Variants in PTPRN2 observed in about 807,000 individuals in gnomAD.
The protein encoded by PTPRN2 is receptor-type tyrosine-protein phosphatase N2.
A neutral mutation model predicts 118.8 loss-of-function variants in PTPRN2; 74 were observed. That is an observed-to-expected ratio of 0.62 (90% confidence interval 0.52 to 0.76). PTPRN2 has a LOEUF of 0.76. Ranked by LOEUF, PTPRN2 falls within the 30% of genes least tolerant of loss-of-function variation. PTPRN2 has a pLI of 0.00. For synonymous variants in PTPRN2, 641 were observed against 608.0 expected, an observed-to-expected ratio of 1.05 and a Z score of -0.80; for missense variants, 1,481 against 1,394.4, an observed-to-expected ratio of 1.06 and a Z score of -0.99.
intron 1 of PTPRN2, among the ~76,000 whole-genome samples, chr7:158,550,205 C>T (rs578047618): frequency 1.8e-4 from 27 of 152,332 alleles, no homozygotes; most frequent in African/African-American, 5.5e-4. Flanking sequence ...TGCCACTGCC[C>T]GCCGGCTGAG....
intron 6 of PTPRN2, among the ~76,000 whole-genome samples, chr7:158,163,402 A>G (rs1361243179): frequency 6.7e-6 from 1 of 150,182 alleles, no homozygotes; most frequent in Admixed American, 6.6e-5. Context: ...TGATGCCTGC[A>G]CGGGGTTCTC....
chr7:158,316,179 T>A (rs1332652908), intron 3 of PTPRN2, among the ~76,000 whole-genome samples: 1 of 152,124 alleles, frequency 6.6e-6, no homozygotes, highest in Non-Finnish European at 1.5e-5. Flanking sequence ...GACTAGACGC[T>A]TACTCCAGAT....
rs898926409 is a variant in PTPRN2 at position 157,750,483 on chromosome 7, A to G, written c.1789-67546T>C. 5.3e-5 allele frequency among the ~76,000 whole-genome samples: 8 copies of G among 152,272 alleles called. No homozygotes were observed. In the East Asian group the frequency reaches 1.4e-3, roughly 26 times the overall value. ...CAGGTGAGCTGCTTCCTCCGCACCT[A>G]TGAGAGGCAGGAAGTGGCAGGTAAC... On this transcript the variant is annotated intron_variant, in intron 12 of 22. Transcript: ENST00000389418.
rs1232330434 is a variant in PTPRN2, at chr7:157,971,492, G to C, written c.1724-72755C>G. Among the ~76,000 whole-genome samples, 3 of 152,244 alleles carry C rather than the reference G, an allele frequency of 2.0e-5. No individual in the cohort carries two copies. The East Asian group carries it at 5.8e-4, about 29-fold the overall frequency. Reference sequence around the variant, plus strand: ...GGCTTAATCGTTATTAATTTCTTTGGTATTTCCTATGATAACATTAATCAC... The same window carrying C: ...GGCTTAATCGTTATTAATTTCTTTGCTATTTCCTATGATAACATTAATCAC... On this transcript the variant is annotated intron_variant, in intron 11 of 22. Transcript: ENST00000389418.
intron 3 of PTPRN2, among the ~76,000 whole-genome samples, chr7:158,227,603 T>TA: frequency 6.6e-6 from 1 of 152,132 alleles, no homozygotes; most frequent in Admixed American, 6.5e-5. Flanking sequence ...CACGACTATA[T>TA]AAAAAAATAC....
chr7:157,805,136 A>G (rs1237489460), intron 12 of PTPRN2, among the ~76,000 whole-genome samples: 1 of 152,240 alleles, frequency 6.6e-6, no homozygotes, highest in East Asian at 1.9e-4. Context: ...CATGAAAAGA[A>G]GAAAATAGCA....
intron 12 of PTPRN2, among the ~76,000 whole-genome samples, chr7:157,847,029 T>C (rs1293432630): frequency 6.7e-6 from 1 of 150,372 alleles, no homozygotes; most frequent in African/African-American, 2.5e-5. Context: ...CACTACATCA[T>C]GTGTGGCCGA....
chr7:158,017,778 G>A (rs1044658068), intron 11 of PTPRN2, among the ~76,000 whole-genome samples: 1 of 152,104 alleles, frequency 6.6e-6, no homozygotes, highest in Non-Finnish European at 1.5e-5. Context: ...GAAGGACGCA[G>A]GACTCTGCAC....
At chr7:157,774,293 A>G (rs78248425) in intron 12 of PTPRN2, among the ~76,000 whole-genome samples, 1,763 of 152,372 alleles carry the variant, frequency 0.012, 29 homozygotes, top group African/African-American at 0.04. Context: ...ACCATCCTCC[A>G]TGATGTCTTT....
At position 158,407,282 on chromosome 7, in the gene PTPRN2, T is replaced by C. The variant is rs550112572; in HGVS notation, c.163+82453A>G. ...GTCCTGGGTCCTGGGTCCTGGGTCC[T>C]GGGTCCTGGGTCCTGCGTCCTGGGT... On this transcript the variant is annotated intron_variant, in intron 2 of 22. Transcript: ENST00000389418. Among the ~76,000 whole-genome samples the C allele has an allele frequency of 3.7e-3, 183 of 49,586 alleles. 2 individuals carry two copies. The highest frequency in any genetic ancestry group is 5.5e-3 in the Non-Finnish European group (145 of 26,436). The allele number at this position is 49,586 out of a possible 152,430, so 32.5% of individuals were successfully genotyped here.
chr7:158,404,111 C>T (rs992654551), intron 2 of PTPRN2, among the ~76,000 whole-genome samples: 52 of 152,184 alleles, frequency 3.4e-4, no homozygotes, highest in African/African-American at 1.1e-3. Context: ...TAAAAGGTAT[C>T]GCCGTGACAA....
chr7:158,122,786 T>C (rs12536757), intron 9 of PTPRN2, among the ~76,000 whole-genome samples: 147,125 of 152,362 alleles, frequency 0.97, 71,089 homozygotes, highest in Middle Eastern at 0.98. Context: ...TCATTCAGGC[T>C]ATGTTCCAAC....
rs1027426862 is a variant in PTPRN2 at position 157,662,915 on chromosome 7, G to A, written c.2002-6364C>T. On this transcript the variant is annotated intron_variant, in intron 13 of 22. Transcript: ENST00000389418. ...CTGAAGGGAAGGCCTTGCATCCACC[G>A]CCCACCTAACCTCACGGCTCAGCCA... is the stretch of plus-strand genomic sequence containing the variant. Among the ~76,000 whole-genome samples the A allele has an allele frequency of 7.2e-5, 11 of 152,184 alleles. No individual in the cohort carries two copies. In the East Asian group the frequency reaches 9.7e-4, roughly 13 times the overall value.
chr7:158,157,881 G>A (rs1021499127), intron 6 of PTPRN2, among the ~76,000 whole-genome samples: 1 of 152,214 alleles, frequency 6.6e-6, no homozygotes, highest in Non-Finnish European at 1.5e-5. Context: ...GGACTGTTTC[G>A]CTAGGATGAA....
At chr7:158,443,745 G>C (rs1477234890) in intron 2 of PTPRN2, among the ~76,000 whole-genome samples, 2 of 152,184 alleles carry the variant, frequency 1.3e-5, no homozygotes, top group Non-Finnish European at 2.9e-5. Flanking sequence ...CAGCAGGGAG[G>C]GTTCCAAGGC....
intron 3 of PTPRN2, among the ~76,000 whole-genome samples, chr7:158,225,302 T>C (rs1031751242): frequency 3.9e-5 from 6 of 152,114 alleles, no homozygotes; most frequent in African/African-American, 1.4e-4. Flanking sequence ...TTATTTAGAA[T>C]AGCCCCAAAC....
chr7:158,319,419 CACACACACACACACACAG>C (rs1563131144), intron 2 of PTPRN2, among the ~76,000 whole-genome samples: 2 of 61,282 alleles, frequency 3.3e-5, no homozygotes, highest in Non-Finnish European at 6.3e-5. Context: ...CACAGCCTCC[CACACACACACACACACAG>C]CCTCCCTCAC....
chr7:157,664,582 T>C (rs897528530), intron 13 of PTPRN2, among the ~76,000 whole-genome samples: 2 of 151,970 alleles, frequency 1.3e-5, no homozygotes, highest in Non-Finnish European at 2.9e-5. Flanking sequence ...CTGGGCAACA[T>C]AGTGAGACCC....
At chr7:158,025,627 G>A (rs1200550348) in intron 11 of PTPRN2, among the ~76,000 whole-genome samples, 1 of 152,220 alleles carries the variant, frequency 6.6e-6, no homozygotes, top group East Asian at 1.9e-4. Context: ...GGGGGATGAT[G>A]GCTGGTGTAT....
Sources: allele counts gnomAD v4.1 joint callset (sites outside exome capture counted in the v4.1 genomes callset), GRCh38; gene constraint gnomAD v4.1.1; transcripts MANE v1.5; gene names NCBI Gene and HGNC (gene_info 2026-07-23, HGNC 2026-07-21).